Variants in PTPRD observed in about 807,000 individuals in gnomAD.
The protein encoded by PTPRD is protein tyrosine phosphatase receptor type D.
In PTPRD, 34 loss-of-function variants were observed where a neutral mutation model predicts 214.5. That is an observed-to-expected ratio of 0.16 (90% CI 0.12 to 0.21). The LOEUF (loss-of-function observed/expected upper bound fraction) is 0.21, where lower values mean the gene tolerates loss of function less well. Ranked by LOEUF, PTPRD falls within the 10% of genes least tolerant of loss-of-function variation. PTPRD has a pLI of 1.00. For missense variants in PTPRD, 2,545 were observed against 2,398.7 expected (o/e 1.06, Z -1.27); for synonymous variants, 1,128 against 845.7 (o/e 1.33, Z -5.79).
intron 14 of PTPRD, among the ~76,000 whole-genome samples, chr9:8,530,662 A>G (rs1394186871): frequency 6.6e-5 from 10 of 152,248 alleles, no homozygotes; most frequent in Admixed American, 5.2e-4. Context: ...GTATGAATAT[A>G]TATCAGTGAC....
chr9:10,199,057 C>T (rs77276512), intron 3 of PTPRD, among the ~76,000 whole-genome samples: 1 of 146,458 alleles, frequency 6.8e-6, no homozygotes, highest in African/African-American at 2.5e-5. Context: ...TTTCCAAATT[C>T]TTTTTTTTTT....
In PTPRD at chr9:8,580,789, C is replaced by T. The variant is rs553832737; in HGVS notation, c.353-52010G>A. Among the ~76,000 whole-genome samples the T allele has an allele frequency of 2.6e-5, 4 of 152,266 alleles. No homozygotes were observed. In the East Asian group the frequency reaches 7.7e-4, roughly 29 times the overall value. ...GTACTCACGCACACATACACACACA[C>T]ACGCTTATATAAACAGCAAATAGCA... On this transcript the variant is annotated intron_variant, in intron 14 of 45. Coordinates refer to ENST00000381196, the MANE Select transcript of PTPRD (RefSeq NM_002839.4).
At chr9:10,394,957 C>CTTTTTCT (rs2098139313) in intron 2 of PTPRD, among the ~76,000 whole-genome samples, 1 of 133,198 alleles carries the variant, frequency 7.5e-6, no homozygotes, top group African/African-American at 2.9e-5. Context: ...TTTTCTTTTT[C>CTTTTTCT]TTTTTTTTTT....
At chr9:9,381,208 T>C (rs1247739804) in intron 9 of PTPRD, among the ~76,000 whole-genome samples, 1 of 152,122 alleles carries the variant, frequency 6.6e-6, no homozygotes, top group East Asian at 1.9e-4. Flanking sequence ...ATAGTTGTTT[T>C]AATACTATTA....
At chr9:9,490,896 G>T (rs1480810716) in intron 8 of PTPRD, among the ~76,000 whole-genome samples, 1 of 108,614 alleles carries the variant, frequency 9.2e-6, no homozygotes, top group Non-Finnish European at 1.8e-5. Flanking sequence ...AAATATAAAT[G>T]AACGAATTGT....
chr9:8,373,654 T>C (rs2082217451), intron 39 of PTPRD, among the ~76,000 whole-genome samples: 1 of 119,828 alleles, frequency 8.3e-6, no homozygotes, highest in African/African-American at 2.9e-5. Flanking sequence ...TGTGTGTGTG[T>C]GTATTTTCTC....
At position 9,306,177 on chromosome 9, in the gene PTPRD, A is replaced by C. The variant is rs1036315776; in HGVS notation, c.-203+91272T>G. On this transcript the variant is annotated intron_variant, in intron 9 of 45. Coordinates refer to ENST00000381196, the MANE Select transcript of PTPRD (RefSeq NM_002839.4). ...TTCTATGAGTAAAAACATGTTTGACATTATTAAGCTATCTGGCAGAAACTC... is the reference window on the plus strand; with the variant it reads ...TTCTATGAGTAAAAACATGTTTGACCTTATTAAGCTATCTGGCAGAAACTC... Among the ~76,000 whole-genome samples the C allele has an allele frequency of 1.3e-5, 2 of 152,154 alleles. 1 individual carries two copies. Among genetic ancestry groups the C allele is most frequent in the African/African-American group, 4.8e-5 (2 of 41,430 alleles).
rs540144769 is a variant in PTPRD, at chr9:9,901,393, G to A, written c.-368+37114C>T. 4.6e-5 allele frequency among the ~76,000 whole-genome samples: 7 copies of A among 151,854 alleles called. No individual in the cohort carries two copies. In the South Asian group the frequency reaches 1.5e-3, roughly 32 times the overall value. On this transcript the variant is annotated intron_variant, in intron 5 of 45. Transcript: ENST00000381196. ...TGTGGGATAAGTTGTCATAACTATGGATGAGATCAAATCTTAAAAAATGCA... is the reference window on the plus strand; with the variant it reads ...TGTGGGATAAGTTGTCATAACTATGAATGAGATCAAATCTTAAAAAATGCA...
rs548335800 is a variant in PTPRD at position 10,565,052 on chromosome 9, T to G, written c.-600+47346A>C. On this transcript the variant is annotated intron_variant, in intron 2 of 45. Transcript: ENST00000381196. ...ATGAAGGAATTCCTAATGTAGCATATTTTTTATAAGCCATGTATTGCTCAT... is the reference window on the plus strand; with the variant it reads ...ATGAAGGAATTCCTAATGTAGCATAGTTTTTATAAGCCATGTATTGCTCAT... Among the ~76,000 whole-genome samples the G allele has an allele frequency of 2.2e-3, 331 of 152,226 alleles. 1 individual carries two copies. Among genetic ancestry groups the G allele is most frequent in the Middle Eastern group, 3.4e-3 (1 of 294 alleles).
At chr9:8,702,054 C>T (rs575478190) in intron 12 of PTPRD, among the ~76,000 whole-genome samples, 130 of 152,134 alleles carry the variant, frequency 8.5e-4, no homozygotes, top group South Asian at 3.5e-3. Context: ...TTTTTTTTAA[C>T]GTGAGGACTC....
chr9:9,338,381 A>G (rs979003047), intron 9 of PTPRD, among the ~76,000 whole-genome samples: 2 of 152,212 alleles, frequency 1.3e-5, no homozygotes, highest in African/African-American at 4.8e-5. Flanking sequence ...ATTTTAAACA[A>G]CGAGTTGATT....
At chr9:8,851,190 C>A (rs190365722) in intron 11 of PTPRD, among the ~76,000 whole-genome samples, 28 of 132,878 alleles carry the variant, frequency 2.1e-4, no homozygotes, top group East Asian at 2.1e-3. Context: ...CTAAGATGCA[C>A]TACCATTAAA....
At chr9:8,827,217 A>T (rs1267701379) in intron 11 of PTPRD, among the ~76,000 whole-genome samples, 1 of 152,158 alleles carries the variant, frequency 6.6e-6, no homozygotes, top group Non-Finnish European at 1.5e-5. Flanking sequence ...GAGGGTAAGG[A>T]CAACTTCTAA....
intron 11 of PTPRD, among the ~76,000 whole-genome samples, chr9:8,987,183 T>G (rs951268265): frequency 1.3e-5 from 2 of 152,076 alleles, no homozygotes; most frequent in Non-Finnish European, 2.9e-5. Context: ...TATTATATAT[T>G]TATTTGTCAT....
intron 12 of PTPRD, among the ~76,000 whole-genome samples, chr9:8,671,323 G>A (rs1252255978): frequency 6.6e-6 from 1 of 152,024 alleles, no homozygotes; most frequent in African/African-American, 2.4e-5. Flanking sequence ...AATGAGAGTG[G>A]AAGGCATATA....
chr9:10,329,822 A>T (rs1448003106), intron 3 of PTPRD, among the ~76,000 whole-genome samples: 1 of 151,824 alleles, frequency 6.6e-6, no homozygotes, highest in African/African-American at 2.4e-5. Flanking sequence ...GATATTGTAT[A>T]CATGTTTCTA....
intron 13 of PTPRD, among the ~76,000 whole-genome samples, chr9:8,634,621 A>C (rs1368465691): frequency 2.0e-5 from 3 of 152,100 alleles, no homozygotes; most frequent in South Asian, 2.1e-4. Flanking sequence ...TAAAGCATAC[A>C]CTTTAAAATA....
chr9:9,887,027 T>C (rs546508414), intron 5 of PTPRD, among the ~76,000 whole-genome samples: 7 of 152,066 alleles, frequency 4.6e-5, no homozygotes, highest in Non-Finnish European at 8.8e-5. Context: ...AAACTTGTTT[T>C]TTTCCGCCAC....
chr9:8,847,076 T>C (rs1258412929), intron 11 of PTPRD, among the ~76,000 whole-genome samples: 1 of 152,198 alleles, frequency 6.6e-6, no homozygotes, highest in East Asian at 1.9e-4. Context: ...AGGAAGTTAG[T>C]ATCTATTTTG....
Sources: gnomAD v4.1 joint callset for allele counts (sites outside exome capture counted in the v4.1 genomes callset) on GRCh38, gnomAD v4.1.1 for gene constraint, MANE v1.5 for transcripts, NCBI Gene and HGNC (gene_info 2026-07-23, HGNC 2026-07-21) for gene names.